C8orf90: variants seen among roughly 807,000 people sequenced by gnomAD.
C8orf90 encodes the protein uncharacterized protein C8orf90.
At chr8:141,516,603 A>T in the C8orf90 span, among the ~76,000 whole-genome samples, 1 of 152,096 alleles carries the variant, frequency 6.6e-6, no homozygotes. Flanking sequence ...GAGGACCCGA[A>T]GCTCTCTGCT....
the C8orf90 span, among the ~76,000 whole-genome samples, chr8:141,517,280 C>A: frequency 6.6e-6 from 1 of 152,272 alleles, no homozygotes; most frequent in African/African-American, 2.4e-5. Context: ...CATCCCCAGA[C>A]AGCTGCCTGG....
chr8:141,515,619 C>T, the C8orf90 span, among the ~76,000 whole-genome samples: 1 of 152,030 alleles, frequency 6.6e-6, no homozygotes, highest in Admixed American at 6.5e-5. Context: ...AGGGCCAGCC[C>T]CAGCACTCCT....
the C8orf90 span, chr8:141,518,635 C>A: frequency 1.9e-6 from 1 of 529,662 alleles, no homozygotes. Flanking sequence ...TTCCCGGAGC[C>A]CGAGGCCAGC....
chr8:141,518,120 C>T, the C8orf90 span: 2 of 523,930 alleles, frequency 3.8e-6, no homozygotes, highest in Non-Finnish European at 6.7e-6. Flanking sequence ...AGACTGGCCA[C>T]CTCTCTTCGC....
At chr8:141,515,745 G>A in the C8orf90 span, among the ~76,000 whole-genome samples, 1 of 152,092 alleles carries the variant, frequency 6.6e-6, no homozygotes, top group African/African-American at 2.4e-5. Flanking sequence ...TCTTGTACTA[G>A]TCTGGCAGCT....
At chr8:141,518,537 G>C in the C8orf90 span, 46 of 522,732 alleles carry the variant, frequency 8.8e-5, no homozygotes, top group Middle Eastern at 4.3e-3. Flanking sequence ...ATGCGCAAGC[G>C]GCGCCTGGAG....
chr8:141,516,955 A>G, the C8orf90 span, among the ~76,000 whole-genome samples: 1,223 of 152,302 alleles, frequency 8.0e-3, 16 homozygotes, highest in African/African-American at 0.028. Flanking sequence ...AAGGACCCCC[A>G]CGTCTGTGCT....
the C8orf90 span, among the ~76,000 whole-genome samples, chr8:141,516,880 G>A: frequency 6.6e-6 from 1 of 152,324 alleles, no homozygotes; most frequent in East Asian, 1.9e-4. Context: ...GCAGAACAGG[G>A]TTGGTTGGCT....
chr8:141,518,386 T>C, the C8orf90 span: 3 of 674,832 alleles, frequency 4.4e-6, no homozygotes, highest in Non-Finnish European at 8.0e-6. Context: ...CCCGTTCGCC[T>C]GGCCGCCGGG....
the C8orf90 span, among the ~76,000 whole-genome samples, chr8:141,516,539 C>T: frequency 2.0e-5 from 3 of 152,132 alleles, no homozygotes; most frequent in Non-Finnish European, 2.9e-5. Context: ...CATCACTGCC[C>T]GCTCCCTCTT....
At chr8:141,515,572 C>A in the C8orf90 span, among the ~76,000 whole-genome samples, 1 of 151,924 alleles carries the variant, frequency 6.6e-6, no homozygotes, top group Non-Finnish European at 1.5e-5. Flanking sequence ...TTGTCCCCAC[C>A]GCACTCTGGG....
the C8orf90 span, chr8:141,518,620 C>T: frequency 2.0e-6 from 1 of 504,678 alleles, no homozygotes; most frequent in South Asian, 2.9e-5. Flanking sequence ...GGCCCCGCCG[C>T]CGCCTTCCCG....
the C8orf90 span, chr8:141,518,231 C>T: frequency 3.6e-5 from 22 of 609,554 alleles, no homozygotes; most frequent in South Asian, 3.3e-4. Context: ...GCGGCGCCCC[C>T]GGAGCCCGCC....
At chr8:141,516,734 T>G in the C8orf90 span, among the ~76,000 whole-genome samples, 1 of 152,134 alleles carries the variant, frequency 6.6e-6, no homozygotes, top group Non-Finnish European at 1.5e-5. Context: ...CAGTCCAGGC[T>G]CTTGTGTGAG....
the C8orf90 span, among the ~76,000 whole-genome samples, chr8:141,515,036 T>C: frequency 6.6e-6 from 1 of 151,872 alleles, no homozygotes; most frequent in Admixed American, 6.6e-5. Context: ...TCCTGAAGCC[T>C]TTGGATCTAT....
chr8:141,518,212 G>C, the C8orf90 span: 2 of 577,468 alleles, frequency 3.5e-6, no homozygotes, highest in Admixed American at 3.2e-5. Context: ...CCCTCCGCCC[G>C]CAGGTCCCGC....
At chr8:141,518,661 A>C in the C8orf90 span, 1 of 539,318 alleles carries the variant, frequency 1.9e-6, no homozygotes, top group East Asian at 3.5e-5. Context: ...CAGCGACGGC[A>C]CCCCCAGGCT....
the C8orf90 span, among the ~76,000 whole-genome samples, chr8:141,514,938 T>A: frequency 2.6e-5 from 4 of 151,958 alleles, no homozygotes; most frequent in Non-Finnish European, 5.9e-5. Context: ...CATGCGGGCA[T>A]CAAAGCCTCC....
chr8:141,518,679 G>A, the C8orf90 span: 2 of 542,662 alleles, frequency 3.7e-6, no homozygotes, highest in South Asian at 2.3e-5. Context: ...GCTGGCCCAG[G>A]CCCCGCCGCT....
Sources: gnomAD v4.1 joint callset for allele counts (sites outside exome capture counted in the v4.1 genomes callset) on GRCh38, gnomAD v4.1.1 for gene constraint, MANE v1.5 for transcripts, NCBI Gene and HGNC (gene_info 2026-07-23, HGNC 2026-07-21) for gene names.